Variants in PCDHB9 observed in about 807,000 individuals in gnomAD.
PCDHB9 encodes protocadherin beta-9.
For missense variants in PCDHB9, 1,072 were observed against 995.1 expected (o/e 1.08, Z -1.04); for synonymous variants, 501 against 439.7 (o/e 1.14, Z -1.75).
chr5:141,191,084 G>C lies in PCDHB9; in HGVS notation c.*1372G>C, dbSNP rs115133235. 6.6e-6 allele frequency: 1 copy of C among 151,860 alleles called. No homozygotes were observed. Among genetic ancestry groups the C allele is most frequent in the Non-Finnish European group, 1.5e-5 (1 of 67,990 alleles). The allele number at this position is 151,860 out of a possible 1,614,324, so 9.4% of individuals were successfully genotyped here. On this transcript the variant is annotated 3_prime_UTR_variant, in exon 1 of 1. Transcript: ENST00000316105. Reference sequence around the variant, plus strand: ...AGCCTGACCAACGTTAAGTAACCCCGTCTTTACTAAAAATACAAAATTAGC... The same window carrying C: ...AGCCTGACCAACGTTAAGTAACCCCCTCTTTACTAAAAATACAAAATTAGC...
rs1753855856 is a variant in PCDHB9, at chr5:141,189,798, A to G, written c.*86A>G. ...TGTGTATGCCCACCACAAAGAAGGT[A>G]CTATTTTTTGTTTGATTCATCTTCA... On this transcript the variant is annotated 3_prime_UTR_variant, in exon 1 of 1. Coordinates refer to ENST00000316105, the MANE Select transcript of PCDHB9 (RefSeq NM_019119.5). The G allele has an allele frequency of 8.1e-7, 1 of 1,228,638 alleles. No homozygotes were observed. The highest frequency in any genetic ancestry group is 1.6e-5 in the South Asian group (1 of 62,662). 76.1% of individuals were successfully genotyped at this position (1,228,638 alleles called of 1,614,324 possible). A position where few individuals can be genotyped will look rare whatever the true frequency, so the allele number is the denominator to read the frequency against.
chr5:141,189,692 AG>A lies in PCDHB9; in HGVS notation c.2375del (p.Ser792ThrfsTer26). 1.9e-6 allele frequency: 3 copies of A among 1,588,826 alleles called. No individual in the cohort carries two copies. Among genetic ancestry groups the A allele is most frequent in the Non-Finnish European group, 2.6e-6 (3 of 1,167,752 alleles). The stretch of plus-strand genomic sequence containing the variant: ...AGAGGAAAATTCTACTCTCCCCAAT[AG>A]CTTTGGATTTAATTATTGAAAGGAA... ...EIEENSTLPNSFGFNY is the reference protein window; with the variant it reads ...EIEENSTLPNXFGFNY On this transcript the variant is annotated frameshift_variant, in exon 1 of 1. Coordinates refer to ENST00000316105, the MANE Select transcript of PCDHB9 (RefSeq NM_019119.5). LOFTEE classifies it low-confidence loss of function (END_TRUNC).
rs1753758067 is a variant in PCDHB9 at position 141,187,279 on chromosome 5, G to A, written c.-40G>A. Reference sequence around the variant, plus strand: ...GGTTTGCGATTGCTATTTGTGCTGGGGCAGTGTGATTGAGACTGACATTGA... The same window carrying A: ...GGTTTGCGATTGCTATTTGTGCTGGAGCAGTGTGATTGAGACTGACATTGA... On this transcript the variant is annotated 5_prime_UTR_variant, in exon 1 of 1. Transcript: ENST00000316105. 6.3e-7 allele frequency: 1 copy of A among 1,579,634 alleles called. No homozygotes were observed. The highest frequency in any genetic ancestry group is 1.7e-5 in the Admixed American group (1 of 57,538).
Position 141,189,802 on chromosome 5 carries a change from T to C in PCDHB9, c.*90T>C. 1 of 1,206,450 alleles carries C rather than the reference T, an allele frequency of 8.3e-7. No individual in the cohort carries two copies. The highest frequency in any genetic ancestry group is 1.2e-6 in the Non-Finnish European group (1 of 868,420). The allele number at this position is 1,206,450 out of a possible 1,614,324, so 74.7% of individuals were successfully genotyped here. A position where few individuals can be genotyped will look rare whatever the true frequency, so the allele number is the denominator to read the frequency against. ...TATGCCCACCACAAAGAAGGTACTATTTTTTGTTTGATTCATCTTCAACTT... is the reference window on the plus strand; with the variant it reads ...TATGCCCACCACAAAGAAGGTACTACTTTTTGTTTGATTCATCTTCAACTT... On this transcript the variant is annotated 3_prime_UTR_variant, in exon 1 of 1. Transcript: ENST00000316105.
rs782226310 is a variant in PCDHB9, at chr5:141,189,687, C to A, written c.2369C>A (p.Pro790His). ...GKEIEENSTL[P>H]NSFGFNY ...GAAATAGAGGAAAATTCTACTCTCC[C>A]CAATAGCTTTGGATTTAATTATTGA... is the stretch of plus-strand genomic sequence containing the variant. Residue 790 changes from proline to histidine, a missense_variant, in exon 1 of 1, where the codon CCC (proline) becomes CAC (histidine). Transcript: ENST00000316105. 27 of 1,597,056 alleles carry A rather than the reference C, an allele frequency of 1.7e-5. No individual in the cohort carries two copies. The highest frequency in any genetic ancestry group is 2.3e-5 in the Non-Finnish European group (27 of 1,171,830).
At position 141,187,719 on chromosome 5, in the gene PCDHB9, G is replaced by A. The variant is rs1554282833; in HGVS notation, c.401G>A (p.Arg134Gln). The A allele has an allele frequency of 9.9e-6, 16 of 1,614,006 alleles. No homozygotes were observed. The highest frequency in any genetic ancestry group is 1.3e-5 in the Non-Finnish European group (15 of 1,180,032). ...ATAAATGATCACTCGCCAGTGTTTC[G>A]GCACAAAGAGATGGTCTTAAAAATA... is the stretch of plus-strand genomic sequence containing the variant. ...RDINDHSPVFRHKEMVLKISE... is the reference protein window; with the variant it reads ...RDINDHSPVFQHKEMVLKISE... Residue 134 changes from arginine (R) to glutamine (Q), a missense_variant, in exon 1 of 1, where the codon CGG becomes CAG. Physicochemically the swap from Arg to Gln is conservative, Grantham distance 43 (BLOSUM62 1). Coordinates refer to ENST00000316105, the MANE Select transcript of PCDHB9 (RefSeq NM_019119.5).
chr5:141,188,776 C>T lies in PCDHB9; in HGVS notation c.1458C>T (p.Val486=). 1.9e-6 allele frequency: 3 copies of T among 1,612,986 alleles called. No homozygotes were observed. The highest frequency in any genetic ancestry group is 2.5e-6 in the Non-Finnish European group (3 of 1,180,044). ...TDRDSGTNAQ[V]TYSLLPPQDP... is the part of the protein sequence containing the mutation. The stretch of plus-strand genomic sequence containing the variant: ...GAGACTCAGGCACCAACGCCCAGGT[C>T]ACCTACTCGCTGCTGCCGCCCCAGG... Residue 486 remains valine, a synonymous_variant, in exon 1 of 1, where the codon GTC becomes GTT. Transcript: ENST00000316105.
Position 141,188,312 on chromosome 5 carries a change from A to G in PCDHB9, c.994A>G (p.Thr332Ala). Residue 332 changes from threonine to alanine, a missense_variant, in exon 1 of 1, where the codon ACA becomes GCA. Transcript: ENST00000316105. ...MDGGGLSARCTVLIKVLDSND... is the reference protein window; with the variant it reads ...MDGGGLSARCAVLIKVLDSND... Reference sequence around the variant, plus strand: ...CGGCGGAGGCCTTTCTGCAAGATGTACAGTTTTGATAAAAGTATTAGATTC... The same window carrying G: ...CGGCGGAGGCCTTTCTGCAAGATGTGCAGTTTTGATAAAAGTATTAGATTC... 2 of 1,614,196 alleles carry G rather than the reference A, an allele frequency of 1.2e-6. No homozygotes were observed. Among genetic ancestry groups the G allele is most frequent in the Non-Finnish European group, 1.7e-6 (2 of 1,180,036 alleles).
chr5:141,189,780 G>C lies in PCDHB9; in HGVS notation c.*68G>C. Reference sequence around the variant, plus strand: ...CTTGTTGGCTAACTAAATTGTGTATGCCCACCACAAAGAAGGTACTATTTT... The same window carrying C: ...CTTGTTGGCTAACTAAATTGTGTATCCCCACCACAAAGAAGGTACTATTTT... On this transcript the variant is annotated 3_prime_UTR_variant, in exon 1 of 1. Coordinates refer to ENST00000316105, the MANE Select transcript of PCDHB9 (RefSeq NM_019119.5). 1 of 1,337,510 alleles carries C rather than the reference G, an allele frequency of 7.5e-7. No homozygotes were observed. Among genetic ancestry groups the C allele is most frequent in the East Asian group, 2.3e-5 (1 of 42,846 alleles). The allele number at this position is 1,337,510 out of a possible 1,614,324, so 82.9% of individuals were successfully genotyped here. A position where few individuals can be genotyped will look rare whatever the true frequency, so the allele number is the denominator to read the frequency against.
chr5:141,189,538 C>T lies in PCDHB9; in HGVS notation c.2220C>T (p.Ser740=). The change falls in exon 1 of 1, where the codon AGC becomes AGT. Residue 740 remains serine (S), a synonymous_variant. Transcript: ENST00000316105. ...GPFPGHLVDV[S]GTGTLFQSYQ... ...TTCCAGGGCATCTGGTGGACGTGAG[C>T]GGCACCGGGACCCTGTTCCAGAGCT... is the stretch of plus-strand genomic sequence containing the variant. 3 of 1,612,842 alleles carry T rather than the reference C, an allele frequency of 1.9e-6. No individual in the cohort carries two copies. In the South Asian group the frequency reaches 3.3e-5, roughly 18 times the overall value.
chr5:141,189,684 T>TC lies in PCDHB9; in HGVS notation c.2370dup (p.Asn791GlnfsTer2). The TC allele has an allele frequency of 6.2e-7, 1 of 1,602,228 alleles. No individual in the cohort carries two copies. The highest frequency in any genetic ancestry group is 8.5e-7 in the Non-Finnish European group (1 of 1,174,390). On this transcript the variant is annotated frameshift_variant, in exon 1 of 1. Transcript: ENST00000316105. LOFTEE classifies it low-confidence loss of function (END_TRUNC). ...AAAGAAATAGAGGAAAATTCTACTCTCCCCAATAGCTTTGGATTTAATTAT... is the reference window on the plus strand; with the variant it reads ...AAAGAAATAGAGGAAAATTCTACTCTCCCCCAATAGCTTTGGATTTAATTAT...
rs1753778084 is a variant in PCDHB9 at position 141,187,915 on chromosome 5, A to G, written c.597A>G (p.Ala199=). ...ATCCAGAGCTAGTGTTGGACAAAGC[A>G]CTGGATCGGGAGGAGCAGGAAGAGC... is the stretch of plus-strand genomic sequence containing the variant. The part of the protein sequence containing the change: ...MIYPELVLDK[A]LDREEQEELS... Residue 199 remains alanine (A), a synonymous_variant, in exon 1 of 1, where the codon GCA becomes GCG. Transcript: ENST00000316105. 1.9e-6 allele frequency: 3 copies of G among 1,614,080 alleles called. No individual in the cohort carries two copies. Among genetic ancestry groups the G allele is most frequent in the Admixed American group, 1.7e-5 (1 of 60,006 alleles).
Position 141,189,604 on chromosome 5 carries a change from C to A in PCDHB9, c.2286C>A (p.Gly762=), listed in dbSNP as rs1554283410. Residue 762 remains glycine (G), a synonymous_variant, in exon 1 of 1, where the codon GGC becomes GGA. Coordinates refer to ENST00000316105, the MANE Select transcript of PCDHB9 (RefSeq NM_019119.5). ...GTCTGACTGGAGGTTCAGAGACCGG[C>A]GAGTTCAAGTTCTTGAAGCCGATTA... ...EVCLTGGSET[G]EFKFLKPITP... is the part of the protein sequence containing the mutation. 2 of 1,614,020 alleles carry A rather than the reference C, an allele frequency of 1.2e-6. No individual in the cohort carries two copies. The highest frequency in any genetic ancestry group is 1.7e-6 in the Non-Finnish European group (2 of 1,180,014).
Position 141,191,401 on chromosome 5 carries a change from A to G in PCDHB9, c.*1689A>G, listed in dbSNP as rs12657056. On this transcript the variant is annotated 3_prime_UTR_variant, in exon 1 of 1. Transcript: ENST00000316105. The stretch of plus-strand genomic sequence containing the variant: ...TTCTTTACCTCCCTTTATTTGGTGC[A>G]GAGAAGTTAGATCCTGCTAAATTTC... 66,736 of 151,738 alleles carry G rather than the reference A, an allele frequency of 0.44. 14,884 individuals are homozygous for G. The highest frequency in any genetic ancestry group is 0.55 in the East Asian group (2,824 of 5,156). The allele number at this position is 151,738 out of a possible 1,614,324, so 9.4% of individuals were successfully genotyped here.
Position 141,189,602 on chromosome 5 carries a change from G to C in PCDHB9, c.2284G>C (p.Gly762Arg), listed in dbSNP as rs782521865. Reference protein sequence around the residue: ...EVCLTGGSETGEFKFLKPITP... With the variant: ...EVCLTGGSETREFKFLKPITP... ...GTGTCTGACTGGAGGTTCAGAGACC[G>C]GCGAGTTCAAGTTCTTGAAGCCGAT... The change falls in exon 1 of 1, where the codon GGC becomes CGC. Residue 762 changes from glycine to arginine, a missense_variant. Gly to Arg is a moderately radical substitution (Grantham distance 125). Transcript: ENST00000316105. 10 of 1,613,970 alleles carry C rather than the reference G, an allele frequency of 6.2e-6. No homozygotes were observed. The African/African-American group carries it at 9.3e-5, about 15-fold the overall frequency.
rs782025054 is a variant in PCDHB9, at chr5:141,188,466, G to T, written c.1148G>T (p.Cys383Phe). 3 of 1,614,110 alleles carry T rather than the reference G, an allele frequency of 1.9e-6. No individual in the cohort carries two copies. Among genetic ancestry groups the T allele is most frequent in the African/African-American group, 1.3e-5 (1 of 75,024 alleles). The change falls in exon 1 of 1, where the codon TGC (cysteine) becomes TTC (phenylalanine). Residue 383 changes from cysteine (C) to phenylalanine (F), a missense_variant. Coordinates refer to ENST00000316105, the MANE Select transcript of PCDHB9 (RefSeq NM_019119.5). ...RDSGENGKTICYVQDNLPFFL... is the reference protein window; with the variant it reads ...RDSGENGKTIFYVQDNLPFFL... ...TCCGGAGAAAATGGAAAGACAATTTGCTATGTTCAAGATAATCTGCCTTTT... is the reference window on the plus strand; with the variant it reads ...TCCGGAGAAAATGGAAAGACAATTTTCTATGTTCAAGATAATCTGCCTTTT...
chr5:141,189,856 A>AG lies in PCDHB9; in HGVS notation c.*144_*145insG. ...GTATTATGCTTAACTTCACAAGTTA[A>AG]CTTTTTCTTATTTTGTATCCTGATG... On this transcript the variant is annotated 3_prime_UTR_variant, in exon 1 of 1. Transcript: ENST00000316105. 1 of 638,776 alleles carries AG rather than the reference A, an allele frequency of 1.6e-6. No homozygotes were observed. The highest frequency in any genetic ancestry group is 2.5e-6 in the Non-Finnish European group (1 of 398,902). 39.6% of individuals were successfully genotyped at this position (638,776 alleles called of 1,614,324 possible).
chr5:141,189,229 G>A lies in PCDHB9; in HGVS notation c.1911G>A (p.Lys637=), dbSNP rs1224989076. The A allele has an allele frequency of 6.2e-7, 1 of 1,606,582 alleles. No homozygotes were observed. Among genetic ancestry groups the A allele is most frequent in the African/African-American group, 1.3e-5 (1 of 74,954 alleles). Reference sequence around the variant, plus strand: ...TGCTGAGCGAGCGCGACGCGGCCAAGCACAGGCTGGTGGTGCTTGTCAAGG... The same window carrying A: ...TGCTGAGCGAGCGCGACGCGGCCAAACACAGGCTGGTGGTGCTTGTCAAGG... The part of the protein sequence containing the change: ...ARLLSERDAA[K]HRLVVLVKDN... The change falls in exon 1 of 1, where the codon AAG becomes AAA. Residue 637 remains lysine, a synonymous_variant. Transcript: ENST00000316105.
Position 141,188,513 on chromosome 5 carries a change from A to C in PCDHB9, c.1195A>C (p.Asn399His). 6.2e-7 allele frequency: 1 copy of C among 1,614,202 alleles called. No homozygotes were observed. The highest frequency in any genetic ancestry group is 8.5e-7 in the Non-Finnish European group (1 of 1,180,040). ...TTTTTTTCTGAAACCGTCTGTTGAC[A>C]ATTTTTACATCCTAATGACTGAAGG... ...LPFFLKPSVDNFYILMTEGAL... is the reference protein window; with the variant it reads ...LPFFLKPSVDHFYILMTEGAL... Residue 399 changes from asparagine (N) to histidine (H), a missense_variant, in exon 1 of 1, where the codon AAT becomes CAT. By Grantham distance (68) the Asn-to-His change is moderately conservative. Coordinates refer to ENST00000316105, the MANE Select transcript of PCDHB9 (RefSeq NM_019119.5).
Sources: allele counts gnomAD v4.1 joint callset, GRCh38; gene constraint gnomAD v4.1.1; transcripts MANE v1.5; gene names NCBI Gene and HGNC (gene_info 2026-07-23, HGNC 2026-07-21).